The following ITFG1 variants were observed in gnomAD, a reference collection of about 807,000 sequenced individuals.
ITFG1 encodes integrin alpha FG-GAP repeat containing 1.
ITFG1 carries 34 observed loss-of-function variants against 81.8 expected under a neutral mutation model. The observed-to-expected ratio is 0.42, with a 90% confidence interval of 0.32 to 0.55. The LOEUF (loss-of-function observed/expected upper bound fraction) is 0.55. Among genes scored for constraint, ITFG1 ranks in the 20% least tolerant of loss-of-function variants. The pLI is 0.17. For synonymous variants in ITFG1, 285 were observed against 270.6 expected, an observed-to-expected ratio of 1.05 and a Z score of -0.52; for missense variants, 672 against 755.4, an observed-to-expected ratio of 0.89 and a Z score of 1.29.
At chr16:47,236,629 G>A (rs1469202517) in intron 13 of ITFG1, among the ~76,000 whole-genome samples, 1 of 152,080 alleles carries the variant, frequency 6.6e-6, no homozygotes, top group Non-Finnish European at 1.5e-5. Flanking sequence ...AAGAGCCACA[G>A]AATGGAGATA....
intron 6 of ITFG1, among the ~76,000 whole-genome samples, chr16:47,401,395 T>C (rs1968660435): frequency 6.6e-6 from 1 of 152,196 alleles, no homozygotes; most frequent in Non-Finnish European, 1.5e-5. Flanking sequence ...TGACAGAAGC[T>C]GTGGAAGTGG....
At chr16:47,445,248 A>G (rs960220478) in intron 5 of ITFG1, among the ~76,000 whole-genome samples, 36 of 120,830 alleles carry the variant, frequency 3.0e-4, no homozygotes, top group East Asian at 7.0e-4. Context: ...TCCGTCTCAG[A>G]AAAAAAAAAA....
chr16:47,461,164 G>A (rs1395949572), upstream of ITFG1: 8 of 1,105,672 alleles, frequency 7.2e-6, no homozygotes, highest in African/African-American at 1.6e-5. Context: ...GCCGCTGCCG[G>A]CTCCTTTTTC....
chr16:47,454,313 A>G (rs910570788), intron 2 of ITFG1, among the ~76,000 whole-genome samples, 155 bp from the exon 3 acceptor site: 2 of 152,250 alleles, frequency 1.3e-5, no homozygotes, highest in African/African-American at 4.8e-5. Flanking sequence ...TCCATCATGT[A>G]TTTAGACCTC....
chr16:47,443,779 A>G (rs1969287338), intron 5 of ITFG1, among the ~76,000 whole-genome samples: 1 of 152,208 alleles, frequency 6.6e-6, no homozygotes, highest in Non-Finnish European at 1.5e-5. Context: ...CGATAGCATT[A>G]GGAGATATAC....
chr16:47,190,411 T>TG (rs1256841676), intron 14 of ITFG1, among the ~76,000 whole-genome samples: 2 of 152,224 alleles, frequency 1.3e-5, no homozygotes, highest in Middle Eastern at 3.2e-3. Context: ...TTACTCAACT[T>TG]GGAGAGACCT....
At chr16:47,368,772 A>T (rs1341388075) in intron 7 of ITFG1, among the ~76,000 whole-genome samples, 1 of 152,154 alleles carries the variant, frequency 6.6e-6, no homozygotes, top group African/African-American at 2.4e-5. Flanking sequence ...AAATATATAG[A>T]TATAACCTCA....
At chr16:47,402,949 A>G (rs1222876446) in intron 6 of ITFG1, among the ~76,000 whole-genome samples, 1 of 152,192 alleles carries the variant, frequency 6.6e-6, no homozygotes, top group African/African-American at 2.4e-5. Flanking sequence ...TTCCTATGCA[A>G]TAACTAATAT....
intron 14 of ITFG1, among the ~76,000 whole-genome samples, chr16:47,199,956 C>G (rs1965405106): frequency 6.6e-6 from 1 of 151,584 alleles, no homozygotes; most frequent in Admixed American, 6.6e-5. Context: ...CTATCAGAAT[C>G]TTATGCCGCC....
At chr16:47,378,487 C>T (rs942310154) in intron 6 of ITFG1, among the ~76,000 whole-genome samples, 2 of 152,142 alleles carry the variant, frequency 1.3e-5, no homozygotes, top group African/African-American at 2.4e-5. Flanking sequence ...CACTGGTGTT[C>T]TATTAGTCAG....
chr16:47,178,959 A>G (rs1396741820), intron 14 of ITFG1, among the ~76,000 whole-genome samples: 3 of 152,254 alleles, frequency 2.0e-5, no homozygotes, highest in Admixed American at 6.5e-5. Context: ...TTATACAGCC[A>G]ACAGACACAT....
chr16:47,369,831 CTCT>C (rs1238460228), intron 7 of ITFG1, among the ~76,000 whole-genome samples: 2 of 126,424 alleles, frequency 1.6e-5, no homozygotes, highest in African/African-American at 6.5e-5. Context: ...ATTCAATATC[CTCT>C]TTTTTTTTTT....
intron 14 of ITFG1, among the ~76,000 whole-genome samples, chr16:47,184,472 T>C (rs927002625): frequency 1.3e-5 from 2 of 152,116 alleles, no homozygotes; most frequent in Non-Finnish European, 2.9e-5. Flanking sequence ...GGGGCCAATA[T>C]TCAACATTCT....
intron 5 of ITFG1, among the ~76,000 whole-genome samples, chr16:47,435,015 A>C (rs1969147238): frequency 1.3e-5 from 2 of 152,108 alleles, no homozygotes; most frequent in African/African-American, 4.8e-5. Flanking sequence ...AACAGCACAA[A>C]CTGGGGCTTT....
chr16:47,172,912 C>G (rs1378597786), intron 14 of ITFG1, among the ~76,000 whole-genome samples: 3 of 152,164 alleles, frequency 2.0e-5, no homozygotes, highest in Non-Finnish European at 4.4e-5. Flanking sequence ...TTAGTGTACA[C>G]TCTCCACTTC....
intron 14 of ITFG1, among the ~76,000 whole-genome samples, chr16:47,175,303 A>C (rs1262963516): frequency 4.6e-5 from 7 of 151,292 alleles, no homozygotes; most frequent in Admixed American, 4.6e-4. Flanking sequence ...AAATTTAAGA[A>C]AATTTAAAAC....
At chr16:47,303,106 C>T (rs1369781015) in intron 10 of ITFG1, among the ~76,000 whole-genome samples, 2 of 152,008 alleles carry the variant, frequency 1.3e-5, no homozygotes, top group African/African-American at 4.8e-5. Flanking sequence ...CCCGTCTCTA[C>T]TAAAAATACA....
At chr16:47,351,144 C>T (rs1967947661) in intron 8 of ITFG1, among the ~76,000 whole-genome samples, 1 of 152,156 alleles carries the variant, frequency 6.6e-6, no homozygotes, top group African/African-American at 2.4e-5. Context: ...CCTTTGAAAA[C>T]TGGCACAAGA....
intron 14 of ITFG1, among the ~76,000 whole-genome samples, chr16:47,162,985 T>G (rs904654413): frequency 6.6e-6 from 1 of 152,068 alleles, no homozygotes; most frequent in Non-Finnish European, 1.5e-5. Flanking sequence ...TTTTTAAATA[T>G]TTGTGGAGAC....
Sources: gnomAD v4.1 joint callset for allele counts (sites outside exome capture counted in the v4.1 genomes callset) on GRCh38, gnomAD v4.1.1 for gene constraint, MANE v1.5 for transcripts, NCBI Gene and HGNC (gene_info 2026-07-23, HGNC 2026-07-21) for gene names.